The following FBXO38 variants were observed in gnomAD, a reference collection of about 807,000 sequenced individuals.
FBXO38 encodes F-box only protein 38.
A neutral mutation model predicts 131.9 loss-of-function variants in FBXO38; 53 were observed. The observed-to-expected ratio is 0.40, with a 90% CI of 0.32 to 0.51. The LOEUF is 0.51. FBXO38 is among the 20% of genes least tolerant of loss of function. The probability of loss-of-function intolerance (pLI) is 0.53; values close to 1 mark genes in which losing one functional copy is unlikely to be tolerated. For missense variants in FBXO38, 1,076 were observed against 1,475.6 expected, an observed-to-expected ratio of 0.73 and a Z score of 4.44; for synonymous variants, 452 against 505.6, an observed-to-expected ratio of 0.89 and a Z score of 1.42.
chr5:148,399,728 A>G (rs1426916179), intron 3 of FBXO38, among the ~76,000 whole-genome samples: 5 of 152,168 alleles, frequency 3.3e-5, no homozygotes, highest in African/African-American at 1.2e-4. Context: ...GCTTTAGCTA[A>G]GCAAAGCATA....
intron 15 of FBXO38, chr5:148,430,321 ATTTTTTATTTT>A (rs1337124910): frequency 2.1e-5 from 3 of 143,396 alleles, no homozygotes; most frequent in East Asian, 2.0e-4. Context: ...TGCCTAGCTA[ATTTTTTATTTT>A]TTTTTTATTT....
chr5:148,384,592 T>C (rs1757814203), intron 1 of FBXO38, among the ~76,000 whole-genome samples: 2 of 152,168 alleles, frequency 1.3e-5, no homozygotes, highest in Admixed American at 1.3e-4. Context: ...TGTGCTGCAG[T>C]TTGCTTATCT....
At chr5:148,411,435 T>G (rs989475994) in intron 9 of FBXO38, among the ~76,000 whole-genome samples, 4 of 152,188 alleles carry the variant, frequency 2.6e-5, no homozygotes, top group African/African-American at 9.7e-5. Flanking sequence ...CAAGAATTCA[T>G]TTTCTTCCCA....
chr5:148,440,867 A>G (rs1754640863), intron 20 of FBXO38, among the ~76,000 whole-genome samples: 1 of 152,226 alleles, frequency 6.6e-6, no homozygotes, highest in Admixed American at 6.5e-5. Flanking sequence ...GGATGATTTT[A>G]ATACCTGCAA....
At chr5:148,394,955 C>T (rs1274142725) in intron 2 of FBXO38, 51 bp downstream of exon 2, 3 of 1,469,236 alleles carry the variant, frequency 2.0e-6, no homozygotes, top group Middle Eastern at 1.8e-4. Flanking sequence ...AAGAGCAAAC[C>T]CTGAGGCAGT....
At chr5:148,414,422 T>C in intron 10 of FBXO38, 116 bp downstream of exon 10, 1 of 985,380 alleles carries the variant, frequency 1.0e-6, no homozygotes, top group Non-Finnish European at 1.5e-6. Flanking sequence ...GTATTTCATT[T>C]GGATTGTTCA....
intron 7 of FBXO38, among the ~76,000 whole-genome samples, chr5:148,408,012 A>G (rs532112917): frequency 2.0e-5 from 3 of 152,292 alleles, no homozygotes; most frequent in Admixed American, 6.5e-5. Flanking sequence ...TTGGGAAGAT[A>G]TAAAGGACTC....
intron 3 of FBXO38, among the ~76,000 whole-genome samples, chr5:148,399,981 G>A (rs144201617): frequency 3.8e-4 from 57 of 151,852 alleles, no homozygotes; most frequent in Non-Finnish European, 6.3e-4. Flanking sequence ...TAATTGTCTT[G>A]TTCTGTTCTA....
At position 148,414,258 on chromosome 5, in the gene FBXO38, G is replaced by A. The variant is rs768492218; in HGVS notation, c.1216G>A (p.Ala406Thr). The A allele has an allele frequency of 1.3e-6, 2 of 1,588,938 alleles. No individual in the cohort carries two copies. Among genetic ancestry groups the A allele is most frequent in the Non-Finnish European group, 1.7e-6 (2 of 1,167,448 alleles). The change falls in exon 10 of 22, where the codon GCA (alanine) becomes ACA (threonine). Residue 406 changes from alanine (A) to threonine (T), a missense_variant. Ala to Thr is a moderately conservative substitution (Grantham distance 58). Coordinates refer to ENST00000340253, the MANE Select transcript of FBXO38 (RefSeq NM_205836.3). ...AGTTTTTTCCTGTATCAAATATCTG[G>A]CAATTTACAATTGCCCTCATCTACA... is the stretch of plus-strand genomic sequence containing the variant. The part of the protein sequence containing the change: ...NEVFSCIKYL[A>T]IYNCPHLHNP...
At chr5:148,440,339 G>T in intron 19 of FBXO38, 85 bp from the exon 20 acceptor site, 1 of 809,896 alleles carries the variant, frequency 1.2e-6, no homozygotes, top group South Asian at 1.6e-5. Flanking sequence ...ATCTGTGTCC[G>T]AAACAGTTTT....
intron 15 of FBXO38, among the ~76,000 whole-genome samples, chr5:148,428,261 C>T (rs1753837493): frequency 6.6e-6 from 1 of 152,220 alleles, no homozygotes; most frequent in East Asian, 1.9e-4. Flanking sequence ...TGCCATCACA[C>T]ACTTAGAGAA....
intron 1 of FBXO38, among the ~76,000 whole-genome samples, chr5:148,393,184 G>T (rs1467948583): frequency 3.8e-5 from 4 of 106,208 alleles, no homozygotes; most frequent in Admixed American, 9.1e-5. Flanking sequence ...AACAACAGAA[G>T]AGGGGTGTGT....
intron 20 of FBXO38, 130 bp downstream of exon 20, chr5:148,440,657 A>G: frequency 1.7e-6 from 1 of 582,054 alleles, no homozygotes; most frequent in Non-Finnish European, 3.0e-6. Flanking sequence ...CTGGGAAACA[A>G]AACCTGGCCC....
Position 148,423,978 on chromosome 5 carries a change from T to C in FBXO38, c.1619-20T>C, listed in dbSNP as rs1050747745. On this transcript the variant is annotated intron_variant, in intron 12 of 21. Transcript: ENST00000340253. ...TTTATACTTCTTTTGGTTTTTACTT[T>C]GTGTATATTTTCGTTGAAGCATTAA... 3.1e-6 allele frequency: 5 copies of C among 1,602,342 alleles called. No individual in the cohort carries two copies. Among genetic ancestry groups the C allele is most frequent in the Middle Eastern group, 3.3e-4 (2 of 6,000 alleles).
Position 148,421,219 on chromosome 5 carries a change from C to T in FBXO38, c.1619-2779C>T, listed in dbSNP as rs532597705. Among the ~76,000 whole-genome samples, 17 of 152,268 alleles carry T rather than the reference C, an allele frequency of 1.1e-4. 1 individual carries two copies. In the South Asian group the frequency reaches 3.5e-3, roughly 32 times the overall value. On this transcript the variant is annotated intron_variant, in intron 12 of 21. Coordinates refer to ENST00000340253, the MANE Select transcript of FBXO38 (RefSeq NM_205836.3). ...AACCTCACGATCCGCCCACCCTGGC[C>T]TCCCAAAGTACTGGGATTATAGGCA... is the stretch of plus-strand genomic sequence containing the variant.
intron 12 of FBXO38, among the ~76,000 whole-genome samples, chr5:148,421,793 G>C (rs1046574309): frequency 6.6e-6 from 1 of 152,124 alleles, no homozygotes; most frequent in African/African-American, 2.4e-5. Context: ...TTAATTACCA[G>C]AGACTAAAAT....
At chr5:148,435,884 G>A (rs1754322248) in intron 17 of FBXO38, among the ~76,000 whole-genome samples, 1 of 152,136 alleles carries the variant, frequency 6.6e-6, no homozygotes, top group Admixed American at 6.5e-5. Flanking sequence ...GTATCTCAGG[G>A]AGTAGGGAGA....
At position 148,414,211 on chromosome 5, in the gene FBXO38, T is replaced by C. The variant is rs141355914; in HGVS notation, c.1169T>C (p.Ile390Thr). Reference protein sequence around the residue: ...VVENPGIITDIGMKAVNEVFS... With the variant: ...VVENPGIITDTGMKAVNEVFS... ...GAAAATCCTGGTATCATCACTGATA[T>C]AGGGATGAAAGCAGTCAATGAAGTT... The change falls in exon 10 of 22, where the codon ATA becomes ACA. Residue 390 changes from isoleucine to threonine, a missense_variant. Transcript: ENST00000340253. 2.9e-5 allele frequency: 46 copies of C among 1,611,732 alleles called. No individual in the cohort carries two copies. The highest frequency in any genetic ancestry group is 6.6e-5 in the South Asian group (6 of 91,004).
At chr5:148,401,357 G>A (rs1752138765) in intron 3 of FBXO38, among the ~76,000 whole-genome samples, 1 of 152,126 alleles carries the variant, frequency 6.6e-6, no homozygotes, top group Admixed American at 6.5e-5. Flanking sequence ...AGCATACCCT[G>A]AGATTGGATC....
Sources: allele counts gnomAD v4.1 joint callset (sites outside exome capture counted in the v4.1 genomes callset), GRCh38; gene constraint gnomAD v4.1.1; transcripts MANE v1.5; gene names NCBI Gene and HGNC (gene_info 2026-07-23, HGNC 2026-07-21).